Variants in GPR137 observed in about 807,000 individuals in gnomAD.
GPR137 encodes the protein integral membrane protein GPR137.
GPR137 carries 20 observed loss-of-function variants against 38.9 expected under a neutral mutation model. The observed-to-expected ratio is 0.51, with a 90% CI of 0.36 to 0.75. GPR137 has a LOEUF of 0.75. GPR137 is among the 30% of genes least tolerant of loss of function. The pLI, the probability that GPR137 is intolerant of heterozygous loss-of-function variation, is 0.00. For synonymous variants in GPR137, 226 were observed against 235.8 expected (o/e 0.96, Z 0.38); for missense variants, 456 against 526.4 (o/e 0.87, Z 1.31).
chr11:64,277,812 C>T (rs749506568), intron 2 of GPR137, among the ~76,000 whole-genome samples: 3 of 152,150 alleles, frequency 2.0e-5, no homozygotes, highest in Non-Finnish European at 2.9e-5. Context: ...CAGTGGGCCA[C>T]GTGGTCTCTG....
At chr11:64,277,196 A>C (rs1024809585) in intron 2 of GPR137, among the ~76,000 whole-genome samples, 1 of 152,148 alleles carries the variant, frequency 6.6e-6, no homozygotes, top group African/African-American at 2.4e-5. Flanking sequence ...TGCCCCTACC[A>C]CATGCCGACC....
Position 64,288,731 on chromosome 11 carries a change from G to A in GPR137, c.1031+10G>A, listed in dbSNP as rs371609453. On this transcript the variant is annotated intron_variant, in intron 6 of 6. Coordinates refer to ENST00000438980, the MANE Select transcript of GPR137 (RefSeq NM_001170880.2). The surrounding 1 kb of genome is among the most constrained non-coding windows in gnomAD (Gnocchi z 5.5). Reference sequence around the variant, plus strand: ...GGGGTGAGAGCACCAGGTAGGAGCCGTGGCACTGCCTCAGTACCCCTGCCC... The same window carrying A: ...GGGGTGAGAGCACCAGGTAGGAGCCATGGCACTGCCTCAGTACCCCTGCCC... The A allele has an allele frequency of 4.4e-5, 67 of 1,537,586 alleles. No homozygotes were observed. In the African/African-American group the frequency reaches 5.9e-4, roughly 13 times the overall value.
upstream of GPR137, chr11:64,271,667 C>T (rs199786293): frequency 2.0e-6 from 3 of 1,506,600 alleles, no homozygotes; most frequent in East Asian, 2.7e-5. Flanking sequence ...GGCCATAGCG[C>T]TGTGCTGCCC....
chr11:64,288,681 G>T lies in GPR137; in HGVS notation c.991G>T (p.Glu331Ter). The T allele has an allele frequency of 6.3e-7, 1 of 1,589,324 alleles. No individual in the cohort carries two copies. The highest frequency in any genetic ancestry group is 8.6e-7 in the Non-Finnish European group (1 of 1,166,456). ...FFDRAGHCED[E>*]GCSWEHSRGE... is the part of the protein sequence containing the mutation. ...TGACCGGGCTGGGCACTGTGAAGATGAGGGCTGCTCCTGGGAGCACAGCCG... is the reference window on the plus strand; with the variant it reads ...TGACCGGGCTGGGCACTGTGAAGATTAGGGCTGCTCCTGGGAGCACAGCCG... Residue 331 changes from glutamate (E) to a stop codon, truncating the protein, a stop_gained, in exon 6 of 7, where the codon GAG (glutamate) becomes TAG (stop). Transcript: ENST00000438980. LOFTEE classifies it high-confidence loss of function. The surrounding 1 kb of genome is among the most constrained non-coding windows in gnomAD (Gnocchi z 5.5).
upstream of GPR137, among the ~76,000 whole-genome samples, chr11:64,271,012 A>G (rs1317791885): frequency 2.3e-5 from 1 of 43,246 alleles, no homozygotes; most frequent in Non-Finnish European, 5.4e-5. Context: ...ACACACACAC[A>G]CGCCTGGAGT....
upstream of GPR137, chr11:64,285,704 C>T (rs975895436): frequency 9.1e-6 from 9 of 985,214 alleles, no homozygotes; most frequent in African/African-American, 1.2e-4. Context: ...CTCCCGTAAC[C>T]CCGGGCGCCC....
At chr11:64,275,809 G>C (rs1458914748) in intron 1 of GPR137, 2 of 151,936 alleles carry the variant, frequency 1.3e-5, no homozygotes, top group Non-Finnish European at 2.9e-5. Context: ...CCCTTGCCCA[G>C]GGATCAGAAC....
intron 2 of GPR137, chr11:64,287,284 A>G (rs904281070): frequency 7.1e-6 from 7 of 985,408 alleles, no homozygotes; most frequent in Non-Finnish European, 8.4e-6. Flanking sequence ...GCTCCAGCCC[A>G]TGGAAGCACC....
At position 64,286,446 on chromosome 11, in the gene GPR137, A is replaced by T. The variant is rs907642738; in HGVS notation, c.-79A>T. The T allele has an allele frequency of 2.6e-6, 4 of 1,533,620 alleles. No homozygotes were observed. In the Admixed American group the frequency reaches 7.8e-5, roughly 30 times the overall value. ...TCCCTCTCTGCACCCTGCAATTCCC[A>T]CCCCTCCGTATTTATTTCCCTGGTC... On this transcript the variant is annotated 5_prime_UTR_variant, in exon 1 of 7. Transcript: ENST00000438980.
chr11:64,280,990 C>T (rs1399510857), upstream of GPR137, among the ~76,000 whole-genome samples: 4 of 149,098 alleles, frequency 2.7e-5, no homozygotes, highest in Non-Finnish European at 5.9e-5. Flanking sequence ...TTTTTTGAGA[C>T]GGAATCTTGC....
At chr11:64,285,027 G>A, upstream of GPR137, 1 of 1,185,120 alleles carries the variant, frequency 8.4e-7, no homozygotes, top group Non-Finnish European at 1.1e-6. Flanking sequence ...CAGCTCCCCC[G>A]GGAGCCAGTG....
At chr11:64,285,651 T>A (rs2033892154), upstream of GPR137, 2 of 984,952 alleles carry the variant, frequency 2.0e-6, no homozygotes, top group Non-Finnish European at 2.4e-6. Context: ...GGGGACCCCC[T>A]GGATGCGGCA....
chr11:64,284,649 G>A, upstream of GPR137: 1 of 1,531,958 alleles, frequency 6.5e-7, no homozygotes, highest in Non-Finnish European at 8.7e-7. Flanking sequence ...CGATCTCGAG[G>A]CCCCTGACCC....
intron 2 of GPR137, chr11:64,276,441 C>T (rs1476547858): frequency 1.3e-5 from 2 of 153,746 alleles, no homozygotes; most frequent in African/African-American, 4.8e-5. Flanking sequence ...ATTCTCCTGC[C>T]TCAGCCTCCT....
At position 64,288,596 on chromosome 11, in the gene GPR137, C is replaced by T. The variant is rs781236213; in HGVS notation, c.913-7C>T. 4.0e-5 allele frequency: 64 copies of T among 1,613,178 alleles called. No homozygotes were observed. Among genetic ancestry groups the T allele is most frequent in the Admixed American group, 6.7e-5 (4 of 59,942 alleles). ...GAGTAAGTATCGATGATGGCTTCCT[C>T]CCCCAGAGCACCAGCCACATCCTCA... On this transcript the variant is annotated splice_region_variant and splice_polypyrimidine_tract_variant and intron_variant, in intron 5 of 6. Transcript: ENST00000438980. The surrounding 1 kb of genome is among the most constrained non-coding windows in gnomAD (Gnocchi z 5.5).
At chr11:64,276,729 C>G in intron 2 of GPR137, 1 of 582,632 alleles carries the variant, frequency 1.7e-6, no homozygotes, top group Non-Finnish European at 3.1e-6. Flanking sequence ...GGGCCTGGGC[C>G]AGACTCTCCC....
intron 2 of GPR137, among the ~76,000 whole-genome samples, chr11:64,278,375 T>TATATATATATATTTATATATAA (rs1491342580): frequency 6.8e-6 from 1 of 147,828 alleles, no homozygotes. Context: ...AAAAAAAAAT[T>TATATATATATATTTATATATAA]ATATATATAT....
In GPR137 at chr11:64,277,054, G is replaced by A; in HGVS notation, c.-16+633G>A. On this transcript the variant is annotated intron_variant, in intron 2 of 2. Transcript: ENST00000538244. ...AATACGAAGTTCTCCCTGTTTTATA[G>A]ATGAGGAAACAGAGGCACACTTAAT... 4.2e-6 allele frequency: 3 copies of A among 709,600 alleles called. 1 individual carries two copies. Among genetic ancestry groups the A allele is most frequent in the Middle Eastern group, 4.6e-4 (2 of 4,336 alleles). 44.0% of individuals were successfully genotyped at this position (709,600 alleles called of 1,614,324 possible). A position where few individuals can be genotyped will look rare whatever the true frequency, so the allele number is the denominator to read the frequency against.
intron 2 of GPR137, chr11:64,276,859 G>A: frequency 1.3e-6 from 1 of 741,982 alleles, no homozygotes; most frequent in South Asian, 1.4e-5. Context: ...TGGAAGTGGA[G>A]GGTAGTGGCT....
Sources: gnomAD v4.1 joint callset for allele counts (sites outside exome capture counted in the v4.1 genomes callset) on GRCh38, gnomAD v4.1.1 for gene constraint, Gnocchi (gnomAD v3.1) non-coding constraint, MANE v1.5 for transcripts, NCBI Gene and HGNC (gene_info 2026-07-23, HGNC 2026-07-21) for gene names.